Variants in TOX3 observed in about 807,000 individuals in gnomAD.
TOX3 encodes TOX high mobility group box family member 3.
In TOX3, 22 loss-of-function variants were observed where a neutral mutation model predicts 64.3. The ratio of observed to expected loss-of-function variants is 0.34; its 90% confidence interval spans 0.24 to 0.49. The LOEUF is 0.49. Among genes scored for constraint, TOX3 ranks in the 20% least tolerant of loss-of-function variants. The pLI, the probability that TOX3 is intolerant of heterozygous loss-of-function variation, is 0.99. For missense variants in TOX3, 661 were observed against 714.4 expected (o/e 0.93, Z 0.85); for synonymous variants, 291 against 273.6 (o/e 1.06, Z -0.63).
intron 1 of TOX3, among the ~76,000 whole-genome samples, chr16:52,511,584 G>C (rs1962312899): frequency 6.6e-6 from 1 of 152,046 alleles, no homozygotes; most frequent in Non-Finnish European, 1.5e-5. Flanking sequence ...AAAAATAGAT[G>C]GTGAAGTATT....
intron 1 of TOX3, among the ~76,000 whole-genome samples, chr16:52,532,747 A>C (rs1962877791): frequency 6.6e-6 from 1 of 152,204 alleles, no homozygotes; most frequent in Admixed American, 6.5e-5. Flanking sequence ...GGATATTCCC[A>C]ATTCCTAGGA....
At chr16:52,523,145 G>A (rs766975928) in intron 1 of TOX3, among the ~76,000 whole-genome samples, 7 of 152,206 alleles carry the variant, frequency 4.6e-5, no homozygotes, top group Non-Finnish European at 8.8e-5. Flanking sequence ...AGTCCTCCCT[G>A]AGAAAAGGGA....
Position 52,457,270 on chromosome 16 carries a change from A to C in TOX3, c.408+6664T>G, listed in dbSNP as rs137878232. Among the ~76,000 whole-genome samples, 343 of 152,268 alleles carry C rather than the reference A, an allele frequency of 2.3e-3. 1 individual carries two copies. Among genetic ancestry groups the C allele is most frequent in the African/African-American group, 7.8e-3 (324 of 41,554 alleles). On this transcript the variant is annotated intron_variant, in intron 3 of 6. Coordinates refer to ENST00000219746, the MANE Select transcript of TOX3 (RefSeq NM_001080430.4). ...CTTTCACCCTGACATTTTATTGTAAATATTACACATTATTATTCTATATTA... is the reference window on the plus strand; with the variant it reads ...CTTTCACCCTGACATTTTATTGTAACTATTACACATTATTATTCTATATTA...
intron 3 of TOX3, among the ~76,000 whole-genome samples, chr16:52,461,704 A>T (rs1596791269): frequency 6.6e-6 from 1 of 152,296 alleles, no homozygotes; most frequent in Middle Eastern, 3.4e-3. Context: ...AAGGTATGAA[A>T]TATCCAACAC....
intron 1 of TOX3, among the ~76,000 whole-genome samples, chr16:52,505,495 C>T (rs1245234160): frequency 1.3e-5 from 2 of 152,288 alleles, no homozygotes; most frequent in South Asian, 2.1e-4. Context: ...GGAATAATTA[C>T]AGATGATGCT....
chr16:52,532,020 G>T (rs149797611), intron 1 of TOX3, among the ~76,000 whole-genome samples: 2 of 152,280 alleles, frequency 1.3e-5, no homozygotes, highest in Middle Eastern at 3.4e-3. Context: ...AGTTTGGGGG[G>T]CAGTGGGGAT....
chr16:52,468,646 T>C (rs1336400340), intron 1 of TOX3, 72 bp from the exon 2 acceptor site: 24 of 1,220,262 alleles, frequency 2.0e-5, no homozygotes, highest in Non-Finnish European at 2.9e-5. Flanking sequence ...TTGGAAAGAA[T>C]GCTGGTGTTG....
At chr16:52,490,550 T>C (rs781141246) in intron 1 of TOX3, among the ~76,000 whole-genome samples, 23 of 151,870 alleles carry the variant, frequency 1.5e-4, no homozygotes, top group Admixed American at 3.9e-4. Flanking sequence ...AACCAAAAAG[T>C]ATATTTAGTA....
chr16:52,496,271 G>C (rs934828316), intron 1 of TOX3, among the ~76,000 whole-genome samples: 2 of 152,204 alleles, frequency 1.3e-5, no homozygotes, highest in Non-Finnish European at 2.9e-5. Context: ...TTCCAGATAA[G>C]ATACTGCATT....
At position 52,463,999 on chromosome 16, in the gene TOX3, A is replaced by T; in HGVS notation, c.343T>A (p.Ser115Thr). The T allele has an allele frequency of 6.3e-7, 1 of 1,598,310 alleles. No homozygotes were observed. The highest frequency in any genetic ancestry group is 8.5e-7 in the Non-Finnish European group (1 of 1,172,270). The change falls in exon 3 of 7, where the codon TCC (serine) becomes ACC (threonine). Residue 115 changes from serine to threonine, a missense_variant. By Grantham distance (58) the Ser-to-Thr change is moderately conservative. This residue lies in a region of TOX3 where 259 missense variants were observed against 261.2 expected (regional missense o/e 0.99). Coordinates refer to ENST00000219746, the MANE Select transcript of TOX3 (RefSeq NM_001080430.4). ...ACGAGATTTCTTGAGATTGTAATGG[A>T]AGGGAGGTCCAGGCTTTGAGGGGGA... is the stretch of plus-strand genomic sequence containing the variant. Reference protein sequence around the residue: ...QFPPQSLDLPSITISRNLVEQ... With the variant: ...QFPPQSLDLPTITISRNLVEQ...
At chr16:52,498,043 CAA>C (rs1285123977) in intron 1 of TOX3, among the ~76,000 whole-genome samples, 1 of 152,076 alleles carries the variant, frequency 6.6e-6, no homozygotes, top group Non-Finnish European at 1.5e-5. Context: ...AATATACGGC[CAA>C]GAGACATTCA....
intron 1 of TOX3, among the ~76,000 whole-genome samples, chr16:52,506,786 CAT>C (rs1962173432): frequency 6.6e-6 from 1 of 152,214 alleles, no homozygotes; most frequent in South Asian, 2.1e-4. Flanking sequence ...GATTGAATCA[CAT>C]GTTAACAATC....
chr16:52,443,858 G>C (rs1960077633), intron 6 of TOX3, among the ~76,000 whole-genome samples: 1 of 151,932 alleles, frequency 6.6e-6, no homozygotes, highest in South Asian at 2.1e-4. Context: ...GAACAGTTTG[G>C]TCAAAAATGC....
At chr16:52,503,303 G>C (rs1962055612) in intron 1 of TOX3, among the ~76,000 whole-genome samples, 1 of 152,168 alleles carries the variant, frequency 6.6e-6, no homozygotes, top group South Asian at 2.1e-4. Flanking sequence ...CCATCTCTAG[G>C]TGTTAGTTTC....
At chr16:52,520,436 T>TTGTTAG (rs1962579642) in intron 1 of TOX3, among the ~76,000 whole-genome samples, 1 of 152,202 alleles carries the variant, frequency 6.6e-6, no homozygotes, top group Non-Finnish European at 1.5e-5. Flanking sequence ...AGGTGTTATG[T>TTGTTAG]TTGTTCTGCT....
intron 1 of TOX3, among the ~76,000 whole-genome samples, chr16:52,526,847 C>T (rs1028936283): frequency 1.3e-5 from 2 of 152,200 alleles, no homozygotes; most frequent in African/African-American, 4.8e-5. Context: ...CTTAAGACAT[C>T]CTGTCAATTG....
At chr16:52,515,718 G>A (rs1962435550) in intron 1 of TOX3, among the ~76,000 whole-genome samples, 1 of 152,142 alleles carries the variant, frequency 6.6e-6, no homozygotes, top group South Asian at 2.1e-4. Context: ...ATTAGAAGCA[G>A]GTAAAACAGA....
chr16:52,509,705 T>C (rs539215354), intron 1 of TOX3, among the ~76,000 whole-genome samples: 111 of 152,356 alleles, frequency 7.3e-4, no homozygotes, highest in African/African-American at 2.5e-3. Context: ...TGTATGCTTA[T>C]GTATGTACAT....
At chr16:52,441,909 C>A (rs1046981004) in intron 6 of TOX3, among the ~76,000 whole-genome samples, 1 of 152,192 alleles carries the variant, frequency 6.6e-6, no homozygotes, top group East Asian at 1.9e-4. Flanking sequence ...TAAGAAGCAG[C>A]CTATAAATAT....
Sources: allele counts gnomAD v4.1 joint callset (sites outside exome capture counted in the v4.1 genomes callset), GRCh38; gene constraint gnomAD v4.1.1; regional missense constraint gnomAD v4.1.1; transcripts MANE v1.5; gene names NCBI Gene and HGNC (gene_info 2026-07-23, HGNC 2026-07-21).